Variants in PCDHGA1 observed in about 807,000 individuals in gnomAD.
The protein encoded by PCDHGA1 is protocadherin gamma-A1.
A neutral mutation model predicts 58.0 loss-of-function variants in PCDHGA1; 32 were observed. The ratio of observed to expected loss-of-function variants is 0.55; its 90% CI spans 0.42 to 0.74. The LOEUF (loss-of-function observed/expected upper bound fraction) is 0.74. PCDHGA1 is among the 30% of genes least tolerant of loss of function. PCDHGA1 has a pLI of 0.00. For synonymous variants in PCDHGA1, 498 were observed against 501.1 expected (o/e 0.99, Z 0.08); for missense variants, 1,205 against 1,182.3 (o/e 1.02, Z -0.28).
intron 1 of PCDHGA1, among the ~76,000 whole-genome samples, chr5:141,452,094 G>A (rs760924457): frequency 6.6e-6 from 1 of 152,162 alleles, no homozygotes; most frequent in South Asian, 2.1e-4. Context: ...CAGTAAGAAA[G>A]AGCTTTCTTT....
chr5:141,508,979 G>A (rs1317798009), intron 3 of PCDHGA1, among the ~76,000 whole-genome samples: 1 of 152,110 alleles, frequency 6.6e-6, no homozygotes, highest in Non-Finnish European at 1.5e-5. Context: ...GCTGGGGGTG[G>A]GGGCCAGCTG....
chr5:141,353,696 T>A (rs1189851065), intron 1 of PCDHGA1, among the ~76,000 whole-genome samples: 1 of 152,250 alleles, frequency 6.6e-6, no homozygotes, highest in East Asian at 1.9e-4. Context: ...GCGTTTTCCA[T>A]ACTTCTTGTT....
At chr5:141,358,973 T>A (rs1455401871) in intron 1 of PCDHGA1, among the ~76,000 whole-genome samples, 2 of 152,246 alleles carry the variant, frequency 1.3e-5, no homozygotes, top group African/African-American at 4.8e-5. Context: ...CTGTGAGAAT[T>A]CAAAATTCAT....
intron 1 of PCDHGA1, chr5:141,364,657 G>C: frequency 6.2e-7 from 1 of 1,614,034 alleles, no homozygotes; most frequent in South Asian, 1.1e-5. Context: ...TTAACATCTT[G>C]GTTGAGAACA....
At chr5:141,481,963 TA>T (rs1158466251) in intron 1 of PCDHGA1, among the ~76,000 whole-genome samples, 1 of 148,746 alleles carries the variant, frequency 6.7e-6, no homozygotes, top group Non-Finnish European at 1.5e-5. Context: ...CAGGTGCCTG[TA>T]GTCACAGCTA....
intron 1 of PCDHGA1, chr5:141,357,818 C>A (rs569420101): frequency 1.4e-6 from 1 of 707,926 alleles, no homozygotes; most frequent in Non-Finnish European, 2.3e-6. Context: ...ATTACTTATC[C>A]TTTTTGGTCT....
chr5:141,374,484 T>C, intron 1 of PCDHGA1: 1 of 1,611,588 alleles, frequency 6.2e-7, no homozygotes. Flanking sequence ...CCCCGATTCT[T>C]AAAGGAAGAA....
rs2099883627 is a variant in PCDHGA1, at chr5:141,511,136, G to A, written c.2759G>A (p.Gly920Asp). 4.3e-6 allele frequency: 7 copies of A among 1,614,194 alleles called. No homozygotes were observed. The East Asian group carries it at 1.6e-4, about 36-fold the overall frequency. The change falls in exon 4 of 4, where the codon GGC (glycine) becomes GAC (aspartate). Residue 920 changes from glycine (G) to aspartate (D), a missense_variant. Physicochemically the swap from Gly to Asp is moderately conservative, Grantham distance 94. Coordinates refer to ENST00000517417, the MANE Select transcript of PCDHGA1 (RefSeq NM_018912.3). ...GGCAAGGCCCCAGCAGGTGGCAATG[G>A]CAACAAGAAGAAGTCGGGCAAGAAG... Reference protein sequence around the residue: ...RDGKAPAGGNGNKKKSGKKEK... With the variant: ...RDGKAPAGGNDNKKKSGKKEK...
chr5:141,492,942 G>A (rs897160295), intron 1 of PCDHGA1, among the ~76,000 whole-genome samples: 3 of 152,220 alleles, frequency 2.0e-5, no homozygotes, highest in African/African-American at 7.2e-5. Context: ...GAGATTTGGA[G>A]GTGACCAAAC....
intron 1 of PCDHGA1, among the ~76,000 whole-genome samples, chr5:141,425,440 A>G (rs1438530374): frequency 2.0e-5 from 3 of 152,248 alleles, no homozygotes; most frequent in Non-Finnish European, 4.4e-5. Flanking sequence ...GAGGATAAAA[A>G]TAAAACACCA....
At chr5:141,502,472 A>T (rs1450967250) in intron 2 of PCDHGA1, among the ~76,000 whole-genome samples, 1 of 150,886 alleles carries the variant, frequency 6.6e-6, no homozygotes, top group Non-Finnish European at 1.5e-5. Flanking sequence ...TACTTCCCGC[A>T]GCATCACACT....
At chr5:141,398,392 A>AGG in intron 1 of PCDHGA1, 1 of 1,456,392 alleles carries the variant, frequency 6.9e-7, no homozygotes, top group Non-Finnish European at 9.5e-7. Flanking sequence ...TGTGAGCAGC[A>AGG]GGCTAGACAG....
At chr5:141,460,829 A>C (rs1242954704) in intron 1 of PCDHGA1, among the ~76,000 whole-genome samples, 1 of 151,944 alleles carries the variant, frequency 6.6e-6, no homozygotes, top group African/African-American at 2.4e-5. Flanking sequence ...ATACACACTT[A>C]AAGTAATGGC....
intron 1 of PCDHGA1, chr5:141,376,224 T>A: frequency 6.2e-7 from 1 of 1,614,156 alleles, no homozygotes; most frequent in Admixed American, 1.7e-5. Flanking sequence ...CTGCTGGCGC[T>A]CAGACTGCAG....
intron 1 of PCDHGA1, chr5:141,393,960 G>A (rs2092885452): frequency 4.3e-6 from 7 of 1,613,944 alleles, no homozygotes; most frequent in Non-Finnish European, 5.1e-6. Context: ...TGGTCAAGTT[G>A]TCTGTTACAC....
At chr5:141,399,470 TC>T in intron 1 of PCDHGA1, 1 of 1,614,018 alleles carries the variant, frequency 6.2e-7, no homozygotes, top group South Asian at 1.1e-5. Context: ...GCTCCGGTTT[TC>T]CACCAGGCGT....
At position 141,361,198 on chromosome 5, in the gene PCDHGA1, C is replaced by A. The variant is rs377236216; in HGVS notation, c.2421+28093C>A. 3 of 1,613,964 alleles carry A rather than the reference C, an allele frequency of 1.9e-6. No individual in the cohort carries two copies. The highest frequency in any genetic ancestry group is 2.2e-5 in the South Asian group (2 of 91,082). ...AGTTATTGTGACTTCAGTATCTACT[C>A]CCCTACCGGAGGATTCGCCACCAGG... On this transcript the variant is annotated intron_variant, in intron 1 of 3. Transcript: ENST00000517417.
At chr5:141,408,076 A>C in intron 1 of PCDHGA1, 1 of 1,399,800 alleles carries the variant, frequency 7.1e-7, no homozygotes. Flanking sequence ...GACCTTTCCC[A>C]GCACAGCGGA....
intron 1 of PCDHGA1, among the ~76,000 whole-genome samples, chr5:141,368,366 C>CAT (rs1765610966): frequency 6.6e-6 from 1 of 151,978 alleles, no homozygotes; most frequent in African/African-American, 2.4e-5. Context: ...TATATACACA[C>CAT]ATATATATAC....
Sources: gnomAD v4.1 joint callset for allele counts (sites outside exome capture counted in the v4.1 genomes callset) on GRCh38, gnomAD v4.1.1 for gene constraint, MANE v1.5 for transcripts, NCBI Gene and HGNC (gene_info 2026-07-23, HGNC 2026-07-21) for gene names.